ZNF385D: variants seen among roughly 807,000 people sequenced by gnomAD.
The protein encoded by ZNF385D is zinc finger protein 385D.
Under a neutral mutation model 35.8 loss-of-function variants are expected in ZNF385D, and 15 were observed. That is an observed-to-expected ratio of 0.42 (90% CI 0.28 to 0.64). The LOEUF is 0.64. Among genes scored for constraint, ZNF385D ranks in the 30% least tolerant of loss-of-function variants. ZNF385D has a pLI of 0.23. For synonymous variants in ZNF385D, 212 were observed against 186.8 expected (o/e 1.13, Z -1.10); for missense variants, 474 against 494.6 (o/e 0.96, Z 0.39).
chr3:22,093,797 C>T (rs1220000745), intron 3 of ZNF385D, among the ~76,000 whole-genome samples: 4 of 151,948 alleles, frequency 2.6e-5, no homozygotes, highest in Non-Finnish European at 5.9e-5. Context: ...GCATTAGTTC[C>T]ATATTAATAG....
At chr3:21,997,862 CGCGCGCGCGCGTGTGTGTGTGTGTGT>C (rs1695570406) in intron 3 of ZNF385D, among the ~76,000 whole-genome samples, 1 of 112,560 alleles carries the variant, frequency 8.9e-6, no homozygotes, top group African/African-American at 2.9e-5. Flanking sequence ...ATTTGGCGCG[CGCGCGCGCGCGTGTGTGTGTGTGTGT>C]GTGTGTGTGT....
intron 2 of ZNF385D, among the ~76,000 whole-genome samples, chr3:22,262,523 ATATT>A (rs1283802937): frequency 1.3e-5 from 2 of 151,988 alleles, no homozygotes; most frequent in Non-Finnish European, 2.9e-5. Context: ...TTCAATTTCT[ATATT>A]TATTTTCTAT....
Position 21,416,062 on chromosome 3 carries a change from C to T in ZNF385D, c.*5152G>A, listed in dbSNP as rs1430633491. 4.5e-4 allele frequency: 2 copies of T among 4,454 alleles called. 1 individual carries two copies. Among genetic ancestry groups the T allele is most frequent in the Non-Finnish European group, 6.8e-4 (2 of 2,960 alleles). 0.3% of individuals were successfully genotyped at this position (4,454 alleles called of 1,614,324 possible). ...TTTTTGAGACGGAGTCTCGCTCTGT[C>T]GCCCAGGTCGGACTGCGGACTGCAG... is the stretch of plus-strand genomic sequence containing the variant. On this transcript the variant is annotated 3_prime_UTR_variant, in exon 8 of 8. Coordinates refer to ENST00000281523, the MANE Select transcript of ZNF385D (RefSeq NM_024697.3).
chr3:21,427,117 T>A lies in ZNF385D; in HGVS notation c.674-1447A>T, dbSNP rs972670687. On this transcript the variant is annotated intron_variant, in intron 5 of 7. Coordinates refer to ENST00000281523, the MANE Select transcript of ZNF385D (RefSeq NM_024697.3). Reference sequence around the variant, plus strand: ...TATTTCAGTCACCTCCTTTGCAATATAGTGAGCACAAATGCTTTCCACTGC... The same window carrying A: ...TATTTCAGTCACCTCCTTTGCAATAAAGTGAGCACAAATGCTTTCCACTGC... Among the ~76,000 whole-genome samples the A allele has an allele frequency of 2.6e-5, 4 of 152,144 alleles. No homozygotes were observed. In the South Asian group the frequency reaches 8.3e-4, roughly 31 times the overall value.
intron 3 of ZNF385D, among the ~76,000 whole-genome samples, chr3:21,765,688 C>A (rs1319067739): frequency 6.6e-6 from 1 of 151,242 alleles, no homozygotes; most frequent in Non-Finnish European, 1.5e-5. Flanking sequence ...CATATAAGTG[C>A]GTGCGTGCAT....
intron 3 of ZNF385D, among the ~76,000 whole-genome samples, chr3:21,949,454 T>C (rs975994701): frequency 2.0e-5 from 3 of 152,094 alleles, no homozygotes; most frequent in Non-Finnish European, 2.9e-5. Flanking sequence ...TTGAATGCTA[T>C]TGAGCTCAAG....
intron 3 of ZNF385D, among the ~76,000 whole-genome samples, chr3:21,764,123 G>A (rs562322011): frequency 2.6e-5 from 4 of 152,238 alleles, no homozygotes; most frequent in South Asian, 2.1e-4. Flanking sequence ...TATAAAGAAC[G>A]CGGTTGATTT....
chr3:21,719,885 A>G (rs2125444634), intron 1 of ZNF385D, among the ~76,000 whole-genome samples: 1 of 152,332 alleles, frequency 6.6e-6, no homozygotes, highest in Non-Finnish European at 1.5e-5. Context: ...CAGATAGTAC[A>G]TCAGCCATCA....
intron 2 of ZNF385D, among the ~76,000 whole-genome samples, chr3:21,652,467 A>T (rs2125222295): frequency 6.6e-6 from 1 of 152,156 alleles, no homozygotes; most frequent in South Asian, 2.1e-4. Context: ...GTATTAATAT[A>T]TTTTTTTAAT....
intron 3 of ZNF385D, among the ~76,000 whole-genome samples, chr3:22,045,093 C>T (rs903239463): frequency 2.6e-5 from 4 of 151,932 alleles, no homozygotes; most frequent in Non-Finnish European, 4.4e-5. Context: ...TAGCTCCCAT[C>T]GGATCCCTAT....
intron 1 of ZNF385D, among the ~76,000 whole-genome samples, chr3:21,700,922 G>C (rs2067658820): frequency 6.6e-6 from 1 of 152,108 alleles, no homozygotes; most frequent in Non-Finnish European, 1.5e-5. Flanking sequence ...AATAACTGTT[G>C]TGAATATTTT....
chr3:22,208,918 G>A (rs1349355404), intron 2 of ZNF385D, among the ~76,000 whole-genome samples: 1 of 151,774 alleles, frequency 6.6e-6, no homozygotes, highest in African/African-American at 2.4e-5. Flanking sequence ...GAGGTATCAG[G>A]GAATCTTTGT....
intron 1 of ZNF385D, among the ~76,000 whole-genome samples, chr3:21,727,459 A>T (rs1023107652): frequency 6.6e-6 from 1 of 152,222 alleles, no homozygotes; most frequent in African/African-American, 2.4e-5. Context: ...TCTACAAAGA[A>T]CTTAAACAAA....
At chr3:21,500,696 A>T (rs1706296270) in intron 4 of ZNF385D, among the ~76,000 whole-genome samples, 1 of 152,208 alleles carries the variant, frequency 6.6e-6, no homozygotes, top group African/African-American at 2.4e-5. Context: ...GGAGTTGAGA[A>T]GAAATGTGTA....
chr3:22,171,734 G>A (rs746818859), intron 2 of ZNF385D, among the ~76,000 whole-genome samples: 14 of 151,714 alleles, frequency 9.2e-5, no homozygotes, highest in East Asian at 5.8e-4. Flanking sequence ...GAAATTAGCC[G>A]GGCGTGGTGC....
At position 21,813,871 on chromosome 3, in the gene ZNF385D, G is replaced by A. The variant is rs369816727; in HGVS notation, c.326-148843C>T. 4.8e-4 allele frequency among the ~76,000 whole-genome samples: 73 copies of A among 152,128 alleles called. No homozygotes were observed. The East Asian group carries it at 0.013, about 27-fold the overall frequency. On this transcript the variant is annotated intron_variant, in intron 3 of 5. Coordinates refer to the ZNF385D transcript ENST00000494108. ...AGAGAATGCCACAAAGATAGTCCTC[G>A]AGAAGAGCAACTCCAAGACACATAA...
chr3:21,414,067 G>C lies in ZNF385D; in HGVS notation c.*7147C>G, dbSNP rs1167747102. 1 of 151,238 alleles carries C rather than the reference G, an allele frequency of 6.6e-6. No individual in the cohort carries two copies. Among genetic ancestry groups the C allele is most frequent in the Non-Finnish European group, 1.5e-5 (1 of 67,394 alleles). The allele number at this position is 151,238 out of a possible 1,614,324, so 9.4% of individuals were successfully genotyped here. The stretch of plus-strand genomic sequence containing the variant: ...ACTCTTGGTAGTCGATTTAAAATTT[G>C]TTGTAAAATTTCAGTGAATTAAATA... On this transcript the variant is annotated 3_prime_UTR_variant, in exon 8 of 8. Coordinates refer to ENST00000281523, the MANE Select transcript of ZNF385D (RefSeq NM_024697.3).
chr3:21,780,470 G>A (rs151315161), intron 3 of ZNF385D, among the ~76,000 whole-genome samples: 17 of 151,852 alleles, frequency 1.1e-4, no homozygotes, highest in Non-Finnish European at 2.2e-4. Context: ...ATGTGGATAC[G>A]ACATGCATCT....
chr3:22,210,693 C>T (rs1331011145), intron 2 of ZNF385D, among the ~76,000 whole-genome samples: 1 of 151,804 alleles, frequency 6.6e-6, no homozygotes, highest in Non-Finnish European at 1.5e-5. Flanking sequence ...ATGAAAGGTT[C>T]CTTGGAGATT....
Sources: gnomAD v4.1 joint callset for allele counts (sites outside exome capture counted in the v4.1 genomes callset) on GRCh38, gnomAD v4.1.1 for gene constraint, MANE v1.5 for transcripts, NCBI Gene and HGNC (gene_info 2026-07-23, HGNC 2026-07-21) for gene names.